The following SEPTIN9 variants were observed in gnomAD, a reference collection of about 807,000 sequenced individuals.
The protein encoded by SEPTIN9 is septin 9, also known as septin-9.
SEPTIN9 carries 13 observed loss-of-function variants against 56.6 expected under a neutral mutation model. The observed-to-expected ratio is 0.23, with a 90% CI of 0.15 to 0.37. The LOEUF (loss-of-function observed/expected upper bound fraction) is 0.37. Ranked by LOEUF, SEPTIN9 falls within the 10% of genes least tolerant of loss-of-function variation. The pLI is 1.00. For synonymous variants in SEPTIN9, 332 were observed against 334.1 expected, an observed-to-expected ratio of 0.99 and a Z score of 0.07; for missense variants, 650 against 823.1, an observed-to-expected ratio of 0.79 and a Z score of 2.57.
chr17:77,439,485 A>G (rs2144331763), intron 3 of SEPTIN9, among the ~76,000 whole-genome samples: 1 of 152,274 alleles, frequency 6.6e-6, no homozygotes, highest in East Asian at 1.9e-4. Context: ...CCGGCAGCCC[A>G]GGGGTCCTAG....
chr17:77,397,893 CGCCTGCCTTGGGCCT>C (rs1246844404), intron 2 of SEPTIN9, among the ~76,000 whole-genome samples: 1 of 152,034 alleles, frequency 6.6e-6, no homozygotes, highest in Non-Finnish European at 1.5e-5. Flanking sequence ...TCAGGTGATC[CGCCTGCCTTGGGCCT>C]GCCTTGGCCT....
chr17:77,474,162 C>T (rs1004995789), intron 3 of SEPTIN9, among the ~76,000 whole-genome samples: 9 of 152,212 alleles, frequency 5.9e-5, no homozygotes, highest in African/African-American at 1.7e-4. Flanking sequence ...GTGGAGTTTT[C>T]AGATGAGGGA....
chr17:77,328,761 C>T (rs1261454604), intron 2 of SEPTIN9, among the ~76,000 whole-genome samples: 1 of 152,224 alleles, frequency 6.6e-6, no homozygotes, highest in African/African-American at 2.4e-5. Flanking sequence ...TCGCTGGTCG[C>T]TTGTTACTTA....
At position 77,405,311 on chromosome 17, in the gene SEPTIN9, G is replaced by C. The variant is rs983669766; in HGVS notation, c.721+2608G>C. 6.6e-6 allele frequency among the ~76,000 whole-genome samples: 1 copy of C among 152,190 alleles called. No individual in the cohort carries two copies. Among genetic ancestry groups the C allele is most frequent in the African/African-American group, 2.4e-5 (1 of 41,426 alleles). The stretch of plus-strand genomic sequence containing the variant: ...GTGAGCAGGATGGCTGGGACACAAG[G>C]AGTGTCCAGGGAGCTTCCCCAGCAG... On this transcript the variant is annotated intron_variant, in intron 3 of 11. Coordinates refer to ENST00000427177, the MANE Select transcript of SEPTIN9 (RefSeq NM_001113491.2). This position sits in a 1 kb window ranked among gnomAD's most constrained non-coding sequence, Gnocchi z 5.8.
At chr17:77,335,750 C>T (rs1171560634) in intron 2 of SEPTIN9, among the ~76,000 whole-genome samples, 4 of 21,202 alleles carry the variant, frequency 1.9e-4, no homozygotes, top group African/African-American at 3.4e-4. Flanking sequence ...ATATGTGGTC[C>T]TGTATTAGTA....
intron 2 of SEPTIN9, among the ~76,000 whole-genome samples, chr17:77,338,700 T>C (rs761291156): frequency 2.6e-5 from 4 of 152,230 alleles, no homozygotes; most frequent in Non-Finnish European, 5.9e-5. Context: ...ATTACAGGCG[T>C]GAGCCACTGC....
At chr17:77,302,749 C>G (rs934376735) in intron 1 of SEPTIN9, among the ~76,000 whole-genome samples, 1 of 152,088 alleles carries the variant, frequency 6.6e-6, no homozygotes, top group Non-Finnish European at 1.5e-5. Context: ...CCCTGCAAAG[C>G]TGCTGTGCCC....
intron 3 of SEPTIN9, among the ~76,000 whole-genome samples, chr17:77,463,047 G>A (rs1347956652): frequency 3.9e-5 from 6 of 152,126 alleles, no homozygotes; most frequent in African/African-American, 1.4e-4. Flanking sequence ...TGGGGGTCTC[G>A]GCAAGACCTG....
intron 10 of SEPTIN9, chr17:77,493,368 T>G: frequency 2.2e-6 from 1 of 456,992 alleles, no homozygotes; most frequent in East Asian, 4.2e-5. Context: ...GGCTCTTTCA[T>G]AGGCACCTGT....
rs1346718507 is a variant in SEPTIN9 at position 77,449,509 on chromosome 17, C to T, written c.722-32635C>T. Reference sequence around the variant, plus strand: ...AGAAAGCTGGGGGACAGATTGAGGCCAGAGGCAAAGAGAAGAAGGTTCGGA... The same window carrying T: ...AGAAAGCTGGGGGACAGATTGAGGCTAGAGGCAAAGAGAAGAAGGTTCGGA... On this transcript the variant is annotated intron_variant, in intron 3 of 11. Transcript: ENST00000427177. This position sits in a 1 kb window ranked among gnomAD's most constrained non-coding sequence, Gnocchi z 4.6. Among the ~76,000 whole-genome samples, 1 of 152,128 alleles carries T rather than the reference C, an allele frequency of 6.6e-6. No homozygotes were observed. The highest frequency in any genetic ancestry group is 1.5e-5 in the Non-Finnish European group (1 of 68,034).
In SEPTIN9 at chr17:77,402,358, G is replaced by C; in HGVS notation, c.376G>C (p.Gly126Arg). ...SKQVENAGAI[G>R]PSRFGLKRAE... is the part of the protein sequence containing the mutation. ...GCAGGTGGAGAACGCCGGGGCCATC[G>C]GCCCGTCCCGGTTCGGGCTCAAGAG... Residue 126 changes from glycine to arginine, a missense_variant, in exon 3 of 12, where the codon GGC becomes CGC. Gly to Arg is a moderately radical substitution (Grantham distance 125). This residue lies in a region of SEPTIN9 where 317 missense variants were observed against 329.1 expected (regional missense o/e 0.96). Coordinates refer to ENST00000427177, the MANE Select transcript of SEPTIN9 (RefSeq NM_001113491.2). This position sits in a 1 kb window ranked among gnomAD's most constrained non-coding sequence, Gnocchi z 6.6. The C allele has an allele frequency of 1.2e-6, 2 of 1,612,350 alleles. No individual in the cohort carries two copies.
In SEPTIN9 at chr17:77,373,721, G is replaced by A. The variant is rs1290613024; in HGVS notation, c.77-28338G>A. 1.2e-5 allele frequency: 15 copies of A among 1,303,632 alleles called. 1 individual carries two copies. In the Admixed American group the frequency reaches 2.5e-4, roughly 22 times the overall value. 80.8% of individuals were successfully genotyped at this position (1,303,632 alleles called of 1,614,324 possible). On this transcript the variant is annotated intron_variant, in intron 2 of 11. Transcript: ENST00000427177. Reference sequence around the variant, plus strand: ...GAGAGCGCCGCGCGCCCCCGGCCCCGTGCCCGCGCCGCCTACGTGGGGGAC... The same window carrying A: ...GAGAGCGCCGCGCGCCCCCGGCCCCATGCCCGCGCCGCCTACGTGGGGGAC...
Position 77,369,480 on chromosome 17 carries a change from C to A in SEPTIN9, c.77-32579C>A, listed in dbSNP as rs1262411290. ...GAAAGAGAGGAGTCAACAGTGGTGC[C>A]CGGAGACTTGGCTTGAGCAACTAGG... On this transcript the variant is annotated intron_variant, in intron 2 of 11. Transcript: ENST00000427177. The surrounding 1 kb of genome is among the most constrained non-coding windows in gnomAD (Gnocchi z 4.9). Among the ~76,000 whole-genome samples the A allele has an allele frequency of 6.6e-6, 1 of 151,910 alleles. No homozygotes were observed. Among genetic ancestry groups the A allele is most frequent in the African/African-American group, 2.4e-5 (1 of 41,326 alleles).
intron 2 of SEPTIN9, among the ~76,000 whole-genome samples, chr17:77,358,290 T>TC: frequency 6.6e-6 from 1 of 152,278 alleles, no homozygotes; most frequent in African/African-American, 2.4e-5. Flanking sequence ...TTTGTGTTTG[T>TC]CCCCTCTGAA....
At chr17:77,415,652 A>G (rs9905916) in intron 3 of SEPTIN9, among the ~76,000 whole-genome samples, 1 of 121,128 alleles carries the variant, frequency 8.3e-6, no homozygotes, top group Admixed American at 7.7e-5. Context: ...AAAGAAAAAA[A>G]AAGAAATCTC....
intron 2 of SEPTIN9, among the ~76,000 whole-genome samples, chr17:77,324,021 G>C (rs952504806): frequency 1.3e-5 from 2 of 152,206 alleles, no homozygotes; most frequent in African/African-American, 4.8e-5. Context: ...GAGGCTCCGA[G>C]GGGGAGCCTG....
Position 77,425,072 on chromosome 17 carries a change from A to T in SEPTIN9, c.721+22369A>T, listed in dbSNP as rs2036851943. Among the ~76,000 whole-genome samples, 1 of 152,194 alleles carries T rather than the reference A, an allele frequency of 6.6e-6. No homozygotes were observed. The highest frequency in any genetic ancestry group is 2.4e-5 in the African/African-American group (1 of 41,450). On this transcript the variant is annotated intron_variant, in intron 3 of 11. Transcript: ENST00000427177. This position sits in a 1 kb window ranked among gnomAD's most constrained non-coding sequence, Gnocchi z 4.2. ...CTAGCGTCCTTCATGCAAAGTGGGC[A>T]GGCGGCCAAAGTGAGCTCTGCTCCA...
chr17:77,490,960 AGACCGAACCGCTG>A, intron 8 of SEPTIN9, 101 bp downstream of exon 8: 1 of 936,018 alleles, frequency 1.1e-6, no homozygotes, highest in South Asian at 1.4e-5. Flanking sequence ...ACTGTCAGGG[AGACCGAACCGCTG>A]GTCACTCTCC....
chr17:77,364,685 G>C (rs2034519924), intron 2 of SEPTIN9, among the ~76,000 whole-genome samples: 1 of 152,238 alleles, frequency 6.6e-6, no homozygotes, highest in Admixed American at 6.5e-5. Flanking sequence ...AGGTCAGCGA[G>C]GCTGGGGGCA....
Sources: gnomAD v4.1 joint callset for allele counts (sites outside exome capture counted in the v4.1 genomes callset) on GRCh38, gnomAD v4.1.1 for gene constraint, gnomAD v4.1.1 regional missense constraint, Gnocchi (gnomAD v3.1) non-coding constraint, MANE v1.5 for transcripts, NCBI Gene and HGNC (gene_info 2026-07-23, HGNC 2026-07-21) for gene names.